Variants in RAB3GAP1 observed in about 807,000 individuals in gnomAD.
RAB3GAP1 encodes rab3 GTPase-activating protein catalytic subunit.
In RAB3GAP1, 86 loss-of-function variants were observed where a neutral mutation model predicts 130.7. The observed-to-expected ratio is 0.66, with a 90% confidence interval of 0.55 to 0.79. RAB3GAP1 has a LOEUF of 0.79. RAB3GAP1 is among the 30% of genes least tolerant of loss of function. The pLI, the probability that RAB3GAP1 is intolerant of heterozygous loss-of-function variation, is 0.00. For synonymous variants in RAB3GAP1, 367 were observed against 401.7 expected (o/e 0.91, Z 1.03); for missense variants, 1,029 against 1,169.4 (o/e 0.88, Z 1.75).
At chr2:135,094,261 T>A (rs1285991562) in intron 5 of RAB3GAP1, among the ~76,000 whole-genome samples, 1 of 152,138 alleles carries the variant, frequency 6.6e-6, no homozygotes, top group East Asian at 1.9e-4. Context: ...TTTGGTTTGT[T>A]TTTTCTTTCA....
chr2:135,147,219 G>A (rs1252716161), intron 17 of RAB3GAP1, among the ~76,000 whole-genome samples: 1 of 151,926 alleles, frequency 6.6e-6, no homozygotes, highest in African/African-American at 2.4e-5. Context: ...GGTGGTGCAT[G>A]TCTGTAGCCC....
intron 7 of RAB3GAP1, among the ~76,000 whole-genome samples, chr2:135,117,537 TCTTCTG>T (rs1180163489): frequency 4.4e-4 from 59 of 134,308 alleles, no homozygotes; most frequent in South Asian, 9.8e-4. Flanking sequence ...TTCTGCTTCT[TCTTCTG>T]CTTCTTCTTC....
At chr2:135,156,751 A>G (rs1692325634) in intron 19 of RAB3GAP1, among the ~76,000 whole-genome samples, 1 of 152,202 alleles carries the variant, frequency 6.6e-6, no homozygotes, top group Non-Finnish European at 1.5e-5. Flanking sequence ...TCCACTGCCA[A>G]TCAAAATTGT....
intron 9 of RAB3GAP1, among the ~76,000 whole-genome samples, chr2:135,124,797 G>T (rs1037180630): frequency 6.6e-6 from 1 of 152,040 alleles, no homozygotes; most frequent in African/African-American, 2.4e-5. Flanking sequence ...GCCTATTTTT[G>T]TATGGCCAGT....
intron 5 of RAB3GAP1, among the ~76,000 whole-genome samples, chr2:135,095,051 G>A (rs1282422594): frequency 6.6e-6 from 1 of 152,050 alleles, no homozygotes; most frequent in East Asian, 1.9e-4. Flanking sequence ...CTTTCTGCAA[G>A]CAGGCTTTTT....
At chr2:135,175,626 G>A (rs1328438445), downstream of RAB3GAP1, 5 of 152,250 alleles carry the variant, frequency 3.3e-5, no homozygotes, top group Non-Finnish European at 7.4e-5. Context: ...ATTATGAGTG[G>A]CCCGTTCCCC....
rs1467936345 is a variant in RAB3GAP1 at position 135,167,720 on chromosome 2, AAAT to A, written c.2710-823_2710-821del. On this transcript the variant is annotated intron_variant, in intron 23 of 23. Coordinates refer to ENST00000264158, the MANE Select transcript of RAB3GAP1 (RefSeq NM_012233.3). ...GACTGAATCTTCTGATGAGGTAACAAAATAGCCTTTGCCCCTCATAGTTCCTTG... is the reference window on the plus strand; with the variant it reads ...GACTGAATCTTCTGATGAGGTAACAAAGCCTTTGCCCCTCATAGTTCCTTG... 7.4e-6 allele frequency: 11 copies of A among 1,484,094 alleles called. No individual in the cohort carries two copies. In the Admixed American group the frequency reaches 1.6e-4, roughly 21 times the overall value. 91.9% of individuals were successfully genotyped at this position (1,484,094 alleles called of 1,614,324 possible).
intron 2 of RAB3GAP1, among the ~76,000 whole-genome samples, chr2:135,055,489 G>A (rs1329136742): frequency 6.6e-6 from 1 of 152,028 alleles, no homozygotes; most frequent in Non-Finnish European, 1.5e-5. Context: ...AGGAGCTGGG[G>A]CAGCATGGCG....
In RAB3GAP1 at chr2:135,170,031, A is replaced by G; in HGVS notation, c.*1250A>G. 4.5e-6 allele frequency: 1 copy of G among 222,584 alleles called. No individual in the cohort carries two copies. The highest frequency in any genetic ancestry group is 5.9e-5 in the South Asian group (1 of 16,976). The allele number at this position is 222,584 out of a possible 1,614,324, so 13.8% of individuals were successfully genotyped here. On this transcript the variant is annotated 3_prime_UTR_variant, in exon 24 of 24. Coordinates refer to ENST00000264158, the MANE Select transcript of RAB3GAP1 (RefSeq NM_012233.3). The stretch of plus-strand genomic sequence containing the variant: ...ATATGTGTGTGTGTGTGACATATGC[A>G]CACGTCTCTGTGTATGTGAAGTAGG...
chr2:135,175,787 A>C (rs1397189545), intron 24 of RAB3GAP1, among the ~76,000 whole-genome samples: 1 of 152,194 alleles, frequency 6.6e-6, no homozygotes, highest in Non-Finnish European at 1.5e-5. Context: ...TAGGTTTTCA[A>C]ATTTGAATCC....
intron 3 of RAB3GAP1, among the ~76,000 whole-genome samples, chr2:135,072,677 A>T (rs1689512406): frequency 6.6e-6 from 1 of 152,234 alleles, no homozygotes; most frequent in African/African-American, 2.4e-5. Flanking sequence ...TTATTTTTAA[A>T]CAATGAGTTA....
intron 4 of RAB3GAP1, among the ~76,000 whole-genome samples, chr2:135,092,496 G>A (rs1210390320): frequency 2.0e-5 from 3 of 152,180 alleles, no homozygotes; most frequent in African/African-American, 7.2e-5. Context: ...TAGGGCAATG[G>A]CGCGATCTCA....
At chr2:135,115,144 G>A in intron 6 of RAB3GAP1, 72 bp from the exon 7 acceptor site, 3 of 1,419,620 alleles carry the variant, frequency 2.1e-6, no homozygotes, top group Non-Finnish European at 2.9e-6. Flanking sequence ...AAAATAATTT[G>A]GAAAAAATTT....
At chr2:135,124,484 C>T (rs1456646569) in intron 9 of RAB3GAP1, among the ~76,000 whole-genome samples, 2 of 151,994 alleles carry the variant, frequency 1.3e-5, no homozygotes, top group South Asian at 2.1e-4. Context: ...ACCAACGTGG[C>T]GAAACCCCAT....
Position 135,168,967 on chromosome 2 carries a change from C to A in RAB3GAP1, c.*186C>A. 2 of 606,760 alleles carry A rather than the reference C, an allele frequency of 3.3e-6. No homozygotes were observed. Among genetic ancestry groups the A allele is most frequent in the South Asian group, 1.7e-5 (1 of 60,260 alleles). 37.6% of individuals were successfully genotyped at this position (606,760 alleles called of 1,614,324 possible). A position where few individuals can be genotyped will look rare whatever the true frequency, so the allele number is the denominator to read the frequency against. Reference sequence around the variant, plus strand: ...GAGCTGTGTCGTTTCGTGGAGGGGGCAGCGAGGATGGGCTTGAGCTGTTGA... The same window carrying A: ...GAGCTGTGTCGTTTCGTGGAGGGGGAAGCGAGGATGGGCTTGAGCTGTTGA... On this transcript the variant is annotated 3_prime_UTR_variant, in exon 24 of 24. Transcript: ENST00000264158.
intron 5 of RAB3GAP1, among the ~76,000 whole-genome samples, chr2:135,099,011 T>C (rs1297800155): frequency 6.6e-6 from 1 of 152,176 alleles, no homozygotes; most frequent in Non-Finnish European, 1.5e-5. Context: ...TGTGCTTTTT[T>C]AAAAATATGT....
chr2:135,168,794 T>C lies in RAB3GAP1; in HGVS notation c.*13T>C. Reference sequence around the variant, plus strand: ...TTCCTTCTTCTGATTCTTCTAGCATTACTCGTTGGTGGCTTCAGAGACAGT... The same window carrying C: ...TTCCTTCTTCTGATTCTTCTAGCATCACTCGTTGGTGGCTTCAGAGACAGT... On this transcript the variant is annotated 3_prime_UTR_variant, in exon 24 of 24. Transcript: ENST00000264158. 6.2e-7 allele frequency: 1 copy of C among 1,604,790 alleles called. No homozygotes were observed. The highest frequency in any genetic ancestry group is 1.1e-5 in the South Asian group (1 of 90,894).
At chr2:135,126,700 C>A in intron 11 of RAB3GAP1, 44 bp downstream of exon 11, 1 of 1,489,662 alleles carries the variant, frequency 6.7e-7, no homozygotes. Flanking sequence ...GCTGATCTGC[C>A]TAACTTCCAA....
intron 3 of RAB3GAP1, among the ~76,000 whole-genome samples, chr2:135,064,972 C>G (rs142189312): frequency 1.3e-5 from 2 of 148,678 alleles, no homozygotes; most frequent in African/African-American, 5.0e-5. Context: ...AAACTGCATT[C>G]TCTTTTCAGT....
Sources: gnomAD v4.1 joint callset for allele counts (sites outside exome capture counted in the v4.1 genomes callset) on GRCh38, gnomAD v4.1.1 for gene constraint, MANE v1.5 for transcripts, NCBI Gene and HGNC (gene_info 2026-07-23, HGNC 2026-07-21) for gene names.